The following GSE1 variants were observed in gnomAD, a reference collection of about 807,000 sequenced individuals.
The protein encoded by GSE1 is Gse1 coiled-coil protein.
In GSE1, 32 loss-of-function variants were observed where a neutral mutation model predicts 112.6. That is an observed-to-expected ratio of 0.28 (90% CI 0.21 to 0.38). The LOEUF (loss-of-function observed/expected upper bound fraction) is 0.38, where lower values mean the gene tolerates loss of function less well. Among genes scored for constraint, GSE1 ranks in the 10% least tolerant of loss-of-function variants. The pLI, the probability that GSE1 is intolerant of heterozygous loss-of-function variation, is 1.00. For missense variants in GSE1, 2,348 were observed against 1,699.2 expected (o/e 1.38, Z -6.71); for synonymous variants, 1,115 against 735.6 (o/e 1.52, Z -8.35).
At chr16:85,650,862 C>T (rs188477605) in intron 3 of GSE1, among the ~76,000 whole-genome samples, 48 of 152,046 alleles carry the variant, frequency 3.2e-4, no homozygotes, top group African/African-American at 1.0e-3. Flanking sequence ...GTTGCCGGGC[C>T]GGAGGCTTCT....
chr16:85,649,574 C>G (rs2051162801), intron 3 of GSE1, among the ~76,000 whole-genome samples: 1 of 152,154 alleles, frequency 6.6e-6, no homozygotes, highest in Non-Finnish European at 1.5e-5. Context: ...GCACTGGGAG[C>G]TGCTCTTCTG....
intron 2 of GSE1, among the ~76,000 whole-genome samples, chr16:85,506,968 C>T (rs1490986785): frequency 6.6e-6 from 1 of 152,214 alleles, no homozygotes; most frequent in Non-Finnish European, 1.5e-5. Context: ...GCACGCCACC[C>T]CGCAAGCTTG....
chr16:85,532,552 A>G (rs1340526968), intron 2 of GSE1, among the ~76,000 whole-genome samples: 1 of 152,112 alleles, frequency 6.6e-6, no homozygotes, highest in East Asian at 1.9e-4. Flanking sequence ...GTGAACCACC[A>G]CGTCTGGCCT....
chr16:85,432,468 G>A (rs764159079), intron 2 of GSE1, among the ~76,000 whole-genome samples: 3 of 152,232 alleles, frequency 2.0e-5, no homozygotes, highest in African/African-American at 7.2e-5. Context: ...CCCAGGTGCC[G>A]AGCAGCTGAG....
intron 1 of GSE1, among the ~76,000 whole-genome samples, chr16:85,600,972 T>G (rs1213565408): frequency 6.6e-6 from 1 of 151,496 alleles, no homozygotes; most frequent in Non-Finnish European, 1.5e-5. Context: ...AAGCAACCCC[T>G]CGGTGGGAGG....
intron 1 of GSE1, among the ~76,000 whole-genome samples, chr16:85,596,897 G>C (rs976022712): frequency 6.6e-6 from 1 of 152,264 alleles, no homozygotes; most frequent in East Asian, 1.9e-4. Context: ...TTATCTGGGC[G>C]TGGTGGCACA....
intron 2 of GSE1, among the ~76,000 whole-genome samples, chr16:85,546,115 A>G (rs955590150): frequency 1.4e-5 from 2 of 144,080 alleles, no homozygotes; most frequent in South Asian, 4.5e-4. Flanking sequence ...GAGACAGTCT[A>G]GCTCTGTTGC....
upstream of GSE1, chr16:85,555,169 G>A (rs980271345): frequency 1.0e-6 from 1 of 985,308 alleles, no homozygotes; most frequent in Non-Finnish European, 1.2e-6. Context: ...TTCATTAGGG[G>A]AGACAAATCT....
intron 2 of GSE1, among the ~76,000 whole-genome samples, chr16:85,645,652 T>G (rs1397938798): frequency 6.6e-6 from 1 of 152,212 alleles, no homozygotes; most frequent in African/African-American, 2.4e-5. Flanking sequence ...GCAGTTTTCT[T>G]TGGTGAATGT....
intron 2 of GSE1, among the ~76,000 whole-genome samples, chr16:85,521,823 G>A (rs750483153): frequency 3.3e-5 from 5 of 152,210 alleles, no homozygotes; most frequent in African/African-American, 7.2e-5. Flanking sequence ...TCCGGAGCGC[G>A]CTGGCGCTCA....
chr16:85,506,327 T>C (rs145791376), intron 2 of GSE1, among the ~76,000 whole-genome samples: 41 of 152,278 alleles, frequency 2.7e-4, no homozygotes, highest in African/African-American at 9.1e-4. Flanking sequence ...AATAGCCACA[T>C]GTGGCTACCG....
chr16:85,615,543 G>T (rs2048320143), intron 1 of GSE1, among the ~76,000 whole-genome samples: 1 of 152,136 alleles, frequency 6.6e-6, no homozygotes, highest in African/African-American at 2.4e-5. Flanking sequence ...GGGCGGTGCC[G>T]GGCCAGAGCT....
rs373504882 is a variant in GSE1 at position 85,193,910 on chromosome 16, G to A, written c.2283+22103G>A. On this transcript the variant is annotated intron_variant, in intron 1 of 2. Coordinates refer to the GSE1 transcript ENST00000637419. ...ATGCCACAGTCAGGGCACTGACGTC[G>A]ACAGTCCATAGATCTTATTCCGACT... Among the ~76,000 whole-genome samples the A allele has an allele frequency of 9.5e-4, 144 of 152,322 alleles. No homozygotes were observed. The Middle Eastern group carries it at 0.014, about 14-fold the overall frequency.
chr16:85,457,253 G>T (rs905397602), intron 2 of GSE1, among the ~76,000 whole-genome samples: 1 of 152,194 alleles, frequency 6.6e-6, no homozygotes, highest in Admixed American at 6.5e-5. Context: ...GCAAGGTCAG[G>T]AACCCAGAGC....
rs117026995 is a variant in GSE1 at position 85,186,254 on chromosome 16, G to C, written c.2283+14447G>C. Among the ~76,000 whole-genome samples, 51 of 152,252 alleles carry C rather than the reference G, an allele frequency of 3.3e-4. No homozygotes were observed. In the East Asian group the frequency reaches 8.5e-3, roughly 25 times the overall value. On this transcript the variant is annotated intron_variant, in intron 1 of 2. Transcript: ENST00000637419. The stretch of plus-strand genomic sequence containing the variant: ...GAGAGGCAAGGCAGGAGAATTGCTT[G>C]AGCCCAGGAGCTCGAGACCAGCCTG...
At chr16:85,317,228 A>G (rs9937001) in intron 1 of GSE1, among the ~76,000 whole-genome samples, 24,798 of 152,106 alleles carry the variant, frequency 0.16, 2,384 homozygotes, top group East Asian at 0.31. Flanking sequence ...TTGGGTGTGG[A>G]CGGGACTAAC....
In GSE1 at chr16:85,208,844, C is replaced by T. The variant is rs1421362293; in HGVS notation, c.2283+37037C>T. On this transcript the variant is annotated intron_variant, in intron 1 of 2. Transcript: ENST00000637419. ...GTTGGGGTTCGTCTGTGTTGGCGTT[C>T]GCCTGTGTTGGGGTTCACCATATGT... Among the ~76,000 whole-genome samples, 12 of 105,316 alleles carry T rather than the reference C, an allele frequency of 1.1e-4. No homozygotes were observed. In the South Asian group the frequency reaches 1.4e-3, roughly 13 times the overall value. 69.1% of individuals were successfully genotyped at this position (105,316 alleles called of 152,430 possible).
intron 2 of GSE1, among the ~76,000 whole-genome samples, chr16:85,636,033 G>A (rs2049968303): frequency 6.6e-6 from 1 of 152,226 alleles, no homozygotes; most frequent in Admixed American, 6.5e-5. Flanking sequence ...CTGAGTGCCA[G>A]AGGCCGCTGG....
chr16:85,592,761 C>T (rs2047055089), intron 1 of GSE1: 1 of 152,350 alleles, frequency 6.6e-6, no homozygotes, highest in Non-Finnish European at 1.5e-5. Flanking sequence ...GCTGTGTGAC[C>T]TTGGGCAAGT....
Sources: gnomAD v4.1 joint callset for allele counts (sites outside exome capture counted in the v4.1 genomes callset) on GRCh38, gnomAD v4.1.1 for gene constraint, MANE v1.5 for transcripts, NCBI Gene and HGNC (gene_info 2026-07-23, HGNC 2026-07-21) for gene names.